The following PLEKHA5 variants were observed in gnomAD, a reference collection of about 807,000 sequenced individuals.
PLEKHA5 encodes pleckstrin homology domain containing A5, also known as pleckstrin homology domain-containing family A member 5.
Under a neutral mutation model 181.9 loss-of-function variants are expected in PLEKHA5, and 55 were observed. The observed-to-expected ratio is 0.30, with a 90% confidence interval of 0.24 to 0.38. The LOEUF is 0.38. Ranked by LOEUF, PLEKHA5 falls within the 10% of genes least tolerant of loss-of-function variation. The probability of loss-of-function intolerance (pLI) is 1.00; values close to 1 mark genes in which losing one functional copy is unlikely to be tolerated. For synonymous variants in PLEKHA5, 535 were observed against 529.4 expected (o/e 1.01, Z -0.15); for missense variants, 1,432 against 1,549.5 (o/e 0.92, Z 1.27).
intron 25 of PLEKHA5, among the ~76,000 whole-genome samples, chr12:19,349,417 GGGTCTTTTCT>G (rs1019759856): frequency 6.6e-6 from 1 of 152,078 alleles, no homozygotes; most frequent in Non-Finnish European, 1.5e-5. Flanking sequence ...CACCTGGACA[GGGTCTTTTCT>G]GTGTGTGTGT....
intron 15 of PLEKHA5, among the ~76,000 whole-genome samples, chr12:19,296,221 CAG>C (rs757049001): frequency 2.7e-5 from 4 of 147,708 alleles, no homozygotes; most frequent in Non-Finnish European, 4.5e-5. Context: ...GCCCGGGCGA[CAG>C]AGTGAGACTC....
chr12:19,200,259 A>G, intron 3 of PLEKHA5: 1 of 1,130,120 alleles, frequency 8.8e-7, no homozygotes, highest in Non-Finnish European at 1.3e-6. Context: ...ATATGTATAG[A>G]TATTATGTAC....
At chr12:19,203,075 C>G (rs2054561276) in intron 3 of PLEKHA5, among the ~76,000 whole-genome samples, 1 of 151,928 alleles carries the variant, frequency 6.6e-6, no homozygotes, top group African/African-American at 2.4e-5. Flanking sequence ...AAGAAGGCCT[C>G]AAGTTTAAAG....
intron 15 of PLEKHA5, among the ~76,000 whole-genome samples, chr12:19,307,874 G>C (rs2084653938): frequency 6.6e-6 from 1 of 151,922 alleles, no homozygotes; most frequent in East Asian, 1.9e-4. Flanking sequence ...CTCCTAAAAA[G>C]TCTCGGTGTC....
At chr12:19,205,359 C>T in intron 3 of PLEKHA5, 18 of 984,574 alleles carry the variant, frequency 1.8e-5, no homozygotes, top group Non-Finnish European at 2.2e-5. Context: ...TGTCATCGTT[C>T]TGTCAGGAAG....
At chr12:19,263,318 G>A (rs1218107952) in intron 7 of PLEKHA5, among the ~76,000 whole-genome samples, 2 of 152,146 alleles carry the variant, frequency 1.3e-5, no homozygotes, top group Non-Finnish European at 2.9e-5. Context: ...TATACAAAGT[G>A]CTTACCTCAG....
At chr12:19,365,073 T>G (rs1349071770) in intron 29 of PLEKHA5, among the ~76,000 whole-genome samples, 2 of 152,088 alleles carry the variant, frequency 1.3e-5, no homozygotes, top group Non-Finnish European at 2.9e-5. Flanking sequence ...GAATAAGCCT[T>G]AAAATCATAT....
At chr12:19,166,828 A>G (rs1049864500) in intron 3 of PLEKHA5, among the ~76,000 whole-genome samples, 2 of 152,128 alleles carry the variant, frequency 1.3e-5, no homozygotes, top group Admixed American at 6.5e-5. Context: ...CTGACCTTTG[A>G]TTTGTCAATC....
chr12:19,289,886 A>G (rs1349406935), intron 13 of PLEKHA5, among the ~76,000 whole-genome samples: 2 of 151,994 alleles, frequency 1.3e-5, no homozygotes, highest in Admixed American at 6.6e-5. Flanking sequence ...CAGATCCCAA[A>G]TTTAATAATG....
chr12:19,353,647 C>A (rs949438901), intron 25 of PLEKHA5, among the ~76,000 whole-genome samples: 2 of 151,330 alleles, frequency 1.3e-5, no homozygotes, highest in African/African-American at 2.4e-5. Context: ...TTAGTGGAGA[C>A]GGGGTTTCTC....
intron 20 of PLEKHA5, among the ~76,000 whole-genome samples, chr12:19,329,631 G>A (rs1054480293): frequency 5.9e-5 from 9 of 152,056 alleles, no homozygotes; most frequent in African/African-American, 1.7e-4. Flanking sequence ...AGTGGTGTTC[G>A]TAATTGTCTC....
At chr12:19,182,824 A>G (rs1288609081) in intron 3 of PLEKHA5, among the ~76,000 whole-genome samples, 1 of 152,208 alleles carries the variant, frequency 6.6e-6, no homozygotes. Context: ...CAGACTGAAT[A>G]GGATAAGGTT....
At position 19,320,567 on chromosome 12, in the gene PLEKHA5, A is replaced by G. The variant is rs1053153833; in HGVS notation, c.2160A>G (p.Ser720=). ...ATATGATTTTTTTCTTATAGCTGTC[A>G]CAAGATGAAGGTAGAGGCACATTAT... The part of the protein sequence containing the change: ...QKSKISLYCL[S]QDEGRGTLYK... The change falls in exon 18 of 32, where the codon TCA becomes TCG. Residue 720 remains serine, a synonymous_variant. Coordinates refer to ENST00000429027, the MANE Select transcript of PLEKHA5 (RefSeq NM_001256470.2). 6.7e-7 allele frequency: 1 copy of G among 1,490,938 alleles called. No individual in the cohort carries two copies. The highest frequency in any genetic ancestry group is 9.3e-7 in the Non-Finnish European group (1 of 1,079,270). 92.4% of individuals were successfully genotyped at this position (1,490,938 alleles called of 1,614,324 possible).
intron 25 of PLEKHA5, among the ~76,000 whole-genome samples, chr12:19,349,554 C>T (rs529116178): frequency 6.6e-6 from 1 of 151,938 alleles, no homozygotes; most frequent in Non-Finnish European, 1.5e-5. Flanking sequence ...TAATGCTGGT[C>T]ATTTTTCTAG....
At chr12:19,244,895 A>T (rs529891041) in intron 3 of PLEKHA5, among the ~76,000 whole-genome samples, 23 of 152,260 alleles carry the variant, frequency 1.5e-4, no homozygotes, top group African/African-American at 4.8e-4. Flanking sequence ...ATATTCTTTT[A>T]AAAAAGCAGA....
intron 15 of PLEKHA5, among the ~76,000 whole-genome samples, chr12:19,311,598 T>TTCTTTG (rs2086589524): frequency 6.6e-6 from 1 of 152,222 alleles, no homozygotes; most frequent in African/African-American, 2.4e-5. Context: ...AGAAACTACT[T>TTCTTTG]TCTTTGCTCA....
chr12:19,242,474 C>G (rs889618645), intron 3 of PLEKHA5, among the ~76,000 whole-genome samples: 1 of 152,134 alleles, frequency 6.6e-6, no homozygotes, highest in African/African-American at 2.4e-5. Flanking sequence ...CTCCTGACCT[C>G]AGGTGATCCA....
chr12:19,222,731 C>G (rs2059146501), intron 3 of PLEKHA5, among the ~76,000 whole-genome samples: 1 of 152,074 alleles, frequency 6.6e-6, no homozygotes, highest in South Asian at 2.1e-4. Context: ...GAATGACAAG[C>G]TCAAATGCCT....
intron 15 of PLEKHA5, among the ~76,000 whole-genome samples, chr12:19,308,490 A>G (rs1450352900): frequency 6.6e-6 from 1 of 152,206 alleles, no homozygotes; most frequent in East Asian, 1.9e-4. Context: ...GCGCTGCTTC[A>G]TAACAAAAAT....
Sources: gnomAD v4.1 joint callset for allele counts (sites outside exome capture counted in the v4.1 genomes callset) on GRCh38, gnomAD v4.1.1 for gene constraint, MANE v1.5 for transcripts, NCBI Gene and HGNC (gene_info 2026-07-23, HGNC 2026-07-21) for gene names.